The following RUNX2 variants were observed in gnomAD, a reference collection of about 807,000 sequenced individuals.
RUNX2 encodes the protein RUNX family transcription factor 2.
Under a neutral mutation model 51.7 loss-of-function variants are expected in RUNX2, and 10 were observed. The observed-to-expected ratio is 0.19, with a 90% confidence interval of 0.12 to 0.33. RUNX2 has a LOEUF of 0.33. Ranked by LOEUF, RUNX2 falls within the 10% of genes least tolerant of loss-of-function variation. The pLI, the probability that RUNX2 is intolerant of heterozygous loss-of-function variation, is 1.00. For synonymous variants in RUNX2, 276 were observed against 273.6 expected (o/e 1.01, Z -0.09); for missense variants, 562 against 691.3 (o/e 0.81, Z 2.10).
chr6:45,483,944 G>T (rs1357452948), intron 5 of RUNX2, among the ~76,000 whole-genome samples: 1 of 152,216 alleles, frequency 6.6e-6, no homozygotes, highest in Non-Finnish European at 1.5e-5. Context: ...TATTTTCCAG[G>T]TCCTTATTTG....
At chr6:45,348,530 C>T (rs898381799) in intron 2 of RUNX2, among the ~76,000 whole-genome samples, 11 of 75,816 alleles carry the variant, frequency 1.5e-4, no homozygotes, top group Admixed American at 1.2e-3. Context: ...AAAAAGTTAT[C>T]CAGGTATGGT....
rs759395776 is a variant in RUNX2, at chr6:45,422,708, A to ACAGCAG, written c.189_194dup (p.Gln70_Gln71dup). 66 of 1,583,382 alleles carry ACAGCAG rather than the reference A, an allele frequency of 4.2e-5. No individual in the cohort carries two copies. The highest frequency in any genetic ancestry group is 3.4e-4 in the South Asian group (30 of 88,444). On this transcript the variant is annotated inframe_insertion, in exon 3 of 9. Transcript: ENST00000647337. ...AGCAGCAGCAACAGCAGCAGCAGCA[A>ACAGCAG]CAGCAGCAGCAGCAGCAGCAACAGC...
chr6:45,409,885 A>G (rs1456284713), intron 2 of RUNX2, among the ~76,000 whole-genome samples: 2 of 152,370 alleles, frequency 1.3e-5, no homozygotes, highest in South Asian at 4.1e-4. Flanking sequence ...CTCTATATGG[A>G]ATGCATATAT....
At chr6:45,333,805 T>G (rs941291698) in intron 2 of RUNX2, among the ~76,000 whole-genome samples, 23 of 151,278 alleles carry the variant, frequency 1.5e-4, no homozygotes, top group African/African-American at 5.3e-4. Flanking sequence ...TCTATATTCT[T>G]GTTAATACTC....
At chr6:45,412,673 A>G (rs939511703) in intron 2 of RUNX2, among the ~76,000 whole-genome samples, 1 of 150,062 alleles carries the variant, frequency 6.7e-6, no homozygotes, top group East Asian at 1.9e-4. Context: ...TTTTTTTCCT[A>G]CTTTTTTTTT....
chr6:45,549,367 G>A lies in RUNX2; in HGVS notation c.*2062G>A, dbSNP rs1034948573. On this transcript the variant is annotated 3_prime_UTR_variant, in exon 9 of 9. Transcript: ENST00000647337. ...TTGCAGGACAGCGTGTGGGGCAGCT[G>A]GACCTGTGCTTCCTGCCTGGGAGTC... 1.5e-5 allele frequency: 6 copies of A among 398,428 alleles called. No individual in the cohort carries two copies. The highest frequency in any genetic ancestry group is 2.7e-5 in the Non-Finnish European group (6 of 226,050). 24.7% of individuals were successfully genotyped at this position (398,428 alleles called of 1,614,324 possible).
At position 45,447,508 on chromosome 6, in the gene RUNX2, A is replaced by C. The variant is rs976608719; in HGVS notation, c.685+9457A>C. 2.0e-5 allele frequency among the ~76,000 whole-genome samples: 3 copies of C among 152,082 alleles called. 1 individual carries two copies. The highest frequency in any genetic ancestry group is 1.5e-5 in the Non-Finnish European group (1 of 68,016). ...AATGTGTTTCTTTTATTTTAGTATT[A>C]TCTTTACCATTTTAATATGTATATT... On this transcript the variant is annotated intron_variant, in intron 5 of 8. Transcript: ENST00000647337.
At chr6:45,356,403 T>G (rs945623739) in intron 2 of RUNX2, among the ~76,000 whole-genome samples, 5 of 151,972 alleles carry the variant, frequency 3.3e-5, no homozygotes, top group Non-Finnish European at 7.4e-5. Flanking sequence ...CATTTCTTTT[T>G]TTTTCTTTTT....
At chr6:45,449,473 G>T (rs1051162534) in intron 5 of RUNX2, among the ~76,000 whole-genome samples, 11 of 152,302 alleles carry the variant, frequency 7.2e-5, no homozygotes, top group Non-Finnish European at 1.3e-4. Flanking sequence ...GAACTCATTT[G>T]TCCTATGTTA....
chr6:45,438,111 T>C, intron 5 of RUNX2, 60 bp downstream of exon 5: 1 of 1,082,718 alleles, frequency 9.2e-7, no homozygotes, highest in Non-Finnish European at 1.4e-6. Flanking sequence ...CTATGAGGAA[T>C]TTATTCCAAA....
chr6:45,428,812 G>C (rs1582101646), intron 3 of RUNX2, among the ~76,000 whole-genome samples: 1 of 141,354 alleles, frequency 7.1e-6, no homozygotes, highest in South Asian at 2.3e-4. Context: ...CAGAGTTCTT[G>C]AAAACCTTTA....
chr6:45,485,109 G>A (rs1800229151), intron 5 of RUNX2, among the ~76,000 whole-genome samples: 1 of 151,914 alleles, frequency 6.6e-6, no homozygotes, highest in Non-Finnish European at 1.5e-5. Context: ...AAGTCTGAAT[G>A]CATGGTGGAT....
intron 2 of RUNX2, among the ~76,000 whole-genome samples, chr6:45,342,528 C>G (rs12205312): frequency 0.6 from 90,985 of 152,008 alleles, 27,651 homozygotes; most frequent in African/African-American, 0.66. Context: ...CAAAGTGCTG[C>G]GATTACACGC....
intron 2 of RUNX2, among the ~76,000 whole-genome samples, chr6:45,370,916 T>A (rs1310387709): frequency 2.0e-5 from 3 of 150,938 alleles, no homozygotes; most frequent in African/African-American, 4.9e-5. Flanking sequence ...AAATTGAGTT[T>A]AAAAAAAAAA....
chr6:45,392,334 CTG>C (rs1797488847), intron 2 of RUNX2, among the ~76,000 whole-genome samples: 1 of 152,030 alleles, frequency 6.6e-6, no homozygotes, highest in Admixed American at 6.6e-5. Flanking sequence ...TTGTGAGACT[CTG>C]TCTCTACAAA....
intron 2 of RUNX2, among the ~76,000 whole-genome samples, chr6:45,403,248 T>TTTTTTG (rs572753634): frequency 2.8e-4 from 40 of 144,642 alleles, no homozygotes; most frequent in South Asian, 4.5e-4. Flanking sequence ...TTTTTTTTTT[T>TTTTTTG]TTGAGACGGA....
chr6:45,550,778 T>C lies in RUNX2; in HGVS notation c.*3473T>C, dbSNP rs1358815068. ...AATAAAATTCCATTTCTTTTGGATA[T>C]GCTTTACCATTCTTAGGTTTCTGTG... is the stretch of plus-strand genomic sequence containing the variant. On this transcript the variant is annotated 3_prime_UTR_variant, in exon 9 of 9. Transcript: ENST00000647337. 6.5e-6 allele frequency: 1 copy of C among 152,702 alleles called. No individual in the cohort carries two copies. Among genetic ancestry groups the C allele is most frequent in the Admixed American group, 6.5e-5 (1 of 15,290 alleles). The allele number at this position is 152,702 out of a possible 1,614,324, so 9.5% of individuals were successfully genotyped here.
At chr6:45,470,155 G>C (rs1799756109) in intron 5 of RUNX2, among the ~76,000 whole-genome samples, 1 of 152,092 alleles carries the variant, frequency 6.6e-6, no homozygotes, top group South Asian at 2.1e-4. Flanking sequence ...ATCAACAAAA[G>C]TTCGTTACTA....
At chr6:45,393,136 A>G (rs1201219304) in intron 2 of RUNX2, among the ~76,000 whole-genome samples, 2 of 152,138 alleles carry the variant, frequency 1.3e-5, no homozygotes, top group East Asian at 1.9e-4. Context: ...TAGCATATTA[A>G]TTATAGTTAT....
Sources: allele counts gnomAD v4.1 joint callset (sites outside exome capture counted in the v4.1 genomes callset), GRCh38; gene constraint gnomAD v4.1.1; transcripts MANE v1.5; gene names NCBI Gene and HGNC (gene_info 2026-07-23, HGNC 2026-07-21).